Variants in MYO1C observed in about 807,000 individuals in gnomAD.
MYO1C encodes the protein myosin IC.
MYO1C carries 104 observed loss-of-function variants against 150.8 expected under a neutral mutation model. That is an observed-to-expected ratio of 0.69 (90% CI 0.59 to 0.81). The LOEUF (loss-of-function observed/expected upper bound fraction) is 0.81. MYO1C is among the 30% of genes least tolerant of loss of function. The pLI, the probability that MYO1C is intolerant of heterozygous loss-of-function variation, is 0.00. For missense variants in MYO1C, 1,504 were observed against 1,435.0 expected (o/e 1.05, Z -0.78); for synonymous variants, 663 against 579.9 (o/e 1.14, Z -2.06).
intron 5 of MYO1C, among the ~76,000 whole-genome samples, chr17:1,482,230 T>C (rs1238584531): frequency 6.6e-6 from 1 of 152,080 alleles, no homozygotes; most frequent in African/African-American, 2.4e-5. Flanking sequence ...TTTATTAAAA[T>C]GCCACTTTCT....
In MYO1C at chr17:1,468,635, C is replaced by T. The variant is rs78397695; in HGVS notation, c.2611-139G>A. The T allele has an allele frequency of 0.025, 17,168 of 699,716 alleles. 328 individuals carry two copies. Among genetic ancestry groups the T allele is most frequent in the Non-Finnish European group, 0.029 (11,670 of 396,470 alleles). 43.3% of individuals were successfully genotyped at this position (699,716 alleles called of 1,614,324 possible). A position where few individuals can be genotyped will look rare whatever the true frequency, so the allele number is the denominator to read the frequency against. ...CTGGCTCAGCACCAGGAGGCTGAGC[C>T]CTGCCCCCCACACGCCCATCAACCC... On this transcript the variant is annotated intron_variant, in intron 25 of 31. Transcript: ENST00000648651.
rs956671368 is a variant in MYO1C, at chr17:1,467,247, C to T, written c.3160G>A (p.Ala1054Thr). Residue 1054 changes from alanine to threonine, a missense_variant, in exon 31 of 32, where the codon GCT (alanine) becomes ACT (threonine). Ala to Thr is a moderately conservative substitution (Grantham distance 58). Transcript: ENST00000648651. The part of the protein sequence containing the change: ...LITKAKNGHL[A>T]VVAPRLNSR ...GGAAAGCAGGCCCCACTCACCACAG[C>T]CAGGTGCCCGTTCTTGGCCTTGGTG... The T allele has an allele frequency of 2.5e-6, 4 of 1,611,820 alleles. No homozygotes were observed. Among genetic ancestry groups the T allele is most frequent in the South Asian group, 2.2e-5 (2 of 90,556 alleles).
rs778995559 is a variant in MYO1C, at chr17:1,467,320, G to A, written c.3087C>T (p.Pro1029=). Residue 1029 remains proline (P), a synonymous_variant, in exon 31 of 32, where the codon CCC becomes CCT. Transcript: ENST00000648651. Reference sequence around the variant, plus strand: ...TGAAGTCAATGGTGCCATCCCTGCCGGGGCCCCCTGCAAACGTGATGCTGG... The same window carrying A: ...TGAAGTCAATGGTGCCATCCCTGCCAGGGCCCCCTGCAAACGTGATGCTGG... ...NQGSITFAGG[P]GRDGTIDFTP... is the part of the protein sequence containing the mutation. 67 of 1,612,972 alleles carry A rather than the reference G, an allele frequency of 4.2e-5. 1 individual carries two copies. The highest frequency in any genetic ancestry group is 1.6e-4 in the Middle Eastern group (1 of 6,082).
At chr17:1,485,759 C>G in intron 1 of MYO1C, 1 of 1,074,942 alleles carries the variant, frequency 9.3e-7, no homozygotes, top group Non-Finnish European at 1.1e-6. Flanking sequence ...GCTCCGGGTC[C>G]CGGGCTCGGC....
intron 21 of MYO1C, 79 bp downstream of exon 21, chr17:1,470,992 G>A (rs2074291087): frequency 2.0e-6 from 3 of 1,466,748 alleles, no homozygotes; most frequent in Non-Finnish European, 9.5e-7. Context: ...GGACTCCCTG[G>A]AGAAGGAGCC....
At chr17:1,471,381 G>C in intron 19 of MYO1C, 45 bp from the exon 20 acceptor site, 4 of 1,546,780 alleles carry the variant, frequency 2.6e-6, no homozygotes, top group Non-Finnish European at 3.6e-6. Flanking sequence ...TCAGCAGCCT[G>C]CCCTGGGGAC....
intron 1 of MYO1C, among the ~76,000 whole-genome samples, chr17:1,490,325 G>A (rs1457543765): frequency 1.5e-4 from 19 of 126,616 alleles, no homozygotes; most frequent in Admixed American, 4.7e-4. Context: ...GTGAAACCCC[G>A]TCTCTACTAA....
Position 1,467,191 on chromosome 17 carries a change from A to G in MYO1C, c.3165+51T>C, listed in dbSNP as rs1598317628. 3 of 1,517,132 alleles carry G rather than the reference A, an allele frequency of 2.0e-6. No homozygotes were observed. The East Asian group carries it at 7.0e-5, about 36-fold the overall frequency. The allele number at this position is 1,517,132 out of a possible 1,614,324, so 94.0% of individuals were successfully genotyped here. On this transcript the variant is annotated intron_variant, in intron 31 of 31. Transcript: ENST00000648651. ...GGGCTCTGCCAAGCACAGCCAAGGA[A>G]GGCTTGGCTATCACAGCCAGGCCAT... is the stretch of plus-strand genomic sequence containing the variant.
At chr17:1,470,879 G>T in intron 21 of MYO1C, 190 bp from the exon 22 acceptor site, 1 of 883,426 alleles carries the variant, frequency 1.1e-6, no homozygotes, top group Non-Finnish European at 1.8e-6. Context: ...GATGGTGGGC[G>T]TGGGGCTGGA....
Position 1,478,623 on chromosome 17 carries a change from G to A in MYO1C, c.1205C>T (p.Ala402Val), listed in dbSNP as rs74328658. ...WLVGKINRSL[A>V]SKDVESPSWR... Reference sequence around the variant, plus strand: ...TGTGGACCGAGCCCTCACCTTGGAGGCCAGCGACCTGTTGATCTTCCCGAC... The same window carrying A: ...TGTGGACCGAGCCCTCACCTTGGAGACCAGCGACCTGTTGATCTTCCCGAC... The change falls in exon 10 of 32, where the codon GCC becomes GTC. Residue 402 changes from alanine (A) to valine (V), a missense_variant. Coordinates refer to ENST00000648651, the MANE Select transcript of MYO1C (RefSeq NM_001080779.2). This position sits in a 1 kb window ranked among gnomAD's most constrained non-coding sequence, Gnocchi z 6.3. 104 of 1,614,086 alleles carry A rather than the reference G, an allele frequency of 6.4e-5. 1 individual carries two copies. In the African/African-American group the frequency reaches 1.0e-3, roughly 16 times the overall value.
intron 5 of MYO1C, 45 bp downstream of exon 5, chr17:1,482,433 G>C (rs376040975): frequency 2.9e-5 from 44 of 1,540,902 alleles, no homozygotes; most frequent in Non-Finnish European, 3.7e-5. Flanking sequence ...CACACGTGTA[G>C]AGCCTACTGA....
intron 1 of MYO1C, chr17:1,484,872 T>TTCCCCCCCCC: frequency 5.9e-6 from 2 of 341,200 alleles, no homozygotes; most frequent in Middle Eastern, 1.1e-3. Context: ...GGGCCGTCTC[T>TTCCCCCCCCC]CCCACCCAGA....
intron 3 of MYO1C, 82 bp from the exon 4 acceptor site, chr17:1,483,141 A>G (rs2150961220): frequency 7.2e-7 from 1 of 1,394,760 alleles, no homozygotes; most frequent in East Asian, 2.5e-5. Flanking sequence ...ATCTGGGTGG[A>G]GTCCTCTTGT....
Position 1,484,149 on chromosome 17 carries a change from T to C in MYO1C, c.230A>G (p.Tyr77Cys). 6.2e-7 allele frequency: 1 copy of C among 1,612,728 alleles called. No homozygotes were observed. The highest frequency in any genetic ancestry group is 1.3e-5 in the African/African-American group (1 of 74,980). ...LRRRFRENLI[Y>C]TYIGPVLVSV... ...GCCATCTCCCCACAAGGGCCTCACGTAGATGAGATTCTCCCGAAATCGCCG... is the reference window on the plus strand; with the variant it reads ...GCCATCTCCCCACAAGGGCCTCACGCAGATGAGATTCTCCCGAAATCGCCG... Residue 77 changes from tyrosine (Y) to cysteine (C), a missense_variant and splice_region_variant, in exon 2 of 32, where the codon TAC becomes TGC. Transcript: ENST00000648651.
Position 1,467,328 on chromosome 17 carries a change from C to G in MYO1C, c.3079G>C (p.Gly1027Arg). 6.2e-7 allele frequency: 1 copy of G among 1,613,070 alleles called. No individual in the cohort carries two copies. The highest frequency in any genetic ancestry group is 1.1e-5 in the South Asian group (1 of 90,928). The change falls in exon 31 of 32, where the codon GGG becomes CGG. Residue 1027 changes from glycine to arginine, a missense_variant. By Grantham distance (125) the Gly-to-Arg change is moderately radical. Coordinates refer to ENST00000648651, the MANE Select transcript of MYO1C (RefSeq NM_001080779.2). ...NINQGSITFA[G>R]GPGRDGTIDF... Reference sequence around the variant, plus strand: ...ATGGTGCCATCCCTGCCGGGGCCCCCTGCAAACGTGATGCTGGGGGAACGG... The same window carrying G: ...ATGGTGCCATCCCTGCCGGGGCCCCGTGCAAACGTGATGCTGGGGGAACGG...
At chr17:1,468,161 G>T in intron 27 of MYO1C, 38 bp from the exon 28 acceptor site, 1 of 1,611,836 alleles carries the variant, frequency 6.2e-7, no homozygotes, top group Non-Finnish European at 8.5e-7. Flanking sequence ...CTGGGGAGAG[G>T]CTCCCAAGGC....
At chr17:1,477,357 C>T (rs2074420319) in intron 14 of MYO1C, 148 bp downstream of exon 14, 1 of 724,688 alleles carries the variant, frequency 1.4e-6, no homozygotes, top group Non-Finnish European at 2.5e-6. Flanking sequence ...TTCTTAGTTT[C>T]TGGACACATG....
intron 17 of MYO1C, among the ~76,000 whole-genome samples, chr17:1,473,670 C>G (rs2074347571): frequency 6.6e-6 from 1 of 152,206 alleles, no homozygotes; most frequent in South Asian, 2.1e-4. Context: ...CTCCCTGCAT[C>G]TGGCACCCTG....
Position 1,484,486 on chromosome 17 carries a change from C to G in MYO1C, c.76-183G>C, listed in dbSNP as rs957651275. 4 of 699,466 alleles carry G rather than the reference C, an allele frequency of 5.7e-6. No homozygotes were observed. In the African/African-American group the frequency reaches 7.1e-5, roughly 12 times the overall value. The allele number at this position is 699,466 out of a possible 1,614,324, so 43.3% of individuals were successfully genotyped here. A position where few individuals can be genotyped will look rare whatever the true frequency, so the allele number is the denominator to read the frequency against. ...GGGCCTGGGTGTGGTGGGCCGGGTGCGGAAAGCCGGGTGTGGAGGGCCCGG... is the reference window on the plus strand; with the variant it reads ...GGGCCTGGGTGTGGTGGGCCGGGTGGGGAAAGCCGGGTGTGGAGGGCCCGG... On this transcript the variant is annotated intron_variant, in intron 1 of 31. Coordinates refer to ENST00000648651, the MANE Select transcript of MYO1C (RefSeq NM_001080779.2).
Sources: allele counts gnomAD v4.1 joint callset (sites outside exome capture counted in the v4.1 genomes callset), GRCh38; gene constraint gnomAD v4.1.1; non-coding constraint Gnocchi (gnomAD v3.1); transcripts MANE v1.5; gene names NCBI Gene and HGNC (gene_info 2026-07-23, HGNC 2026-07-21).